The following PDIA6 variants were observed in gnomAD, a reference collection of about 807,000 sequenced individuals.
PDIA6 encodes the protein protein disulfide isomerase family A member 6.
In PDIA6, 29 loss-of-function variants were observed where a neutral mutation model predicts 58.4. That is an observed-to-expected ratio of 0.50 (90% CI 0.37 to 0.68). The LOEUF (loss-of-function observed/expected upper bound fraction) is 0.68. Among genes scored for constraint, PDIA6 ranks in the 30% least tolerant of loss-of-function variants. PDIA6 has a pLI of 0.00. For synonymous variants in PDIA6, 192 were observed against 202.6 expected, an observed-to-expected ratio of 0.95 and a Z score of 0.44; for missense variants, 480 against 551.0, an observed-to-expected ratio of 0.87 and a Z score of 1.29.
rs755742408 is a variant in PDIA6 at position 10,812,742 on chromosome 2, A to T, written c.-46T>A. 1.6e-5 allele frequency: 23 copies of T among 1,448,748 alleles called. No individual in the cohort carries two copies. The South Asian group carries it at 2.9e-4, about 18-fold the overall frequency. 89.7% of individuals were successfully genotyped at this position (1,448,748 alleles called of 1,614,324 possible). On this transcript the variant is annotated 5_prime_UTR_variant, in exon 1 of 13. Transcript: ENST00000272227. ...CAGTCCCCACCGCCGCCGCCGCTTC[A>T]GCCCTGCAGCGTGCCGCACGCCGCG...
chr2:10,818,811 C>T (rs760697986), intron 2 of PDIA6, among the ~76,000 whole-genome samples: 19 of 152,094 alleles, frequency 1.2e-4, no homozygotes, highest in Non-Finnish European at 2.8e-4. Flanking sequence ...GCGTGAGCCA[C>T]CATACCTGGC....
At chr2:10,836,071 T>G (rs1667826219), upstream of PDIA6, among the ~76,000 whole-genome samples, 1 of 152,052 alleles carries the variant, frequency 6.6e-6, no homozygotes, top group African/African-American at 2.4e-5. Context: ...AAAAATACTT[T>G]CAGACCGTGG....
chr2:10,789,662 A>C, intron 8 of PDIA6, 87 bp downstream of exon 8: 5 of 1,229,910 alleles, frequency 4.1e-6, no homozygotes, highest in Non-Finnish European at 5.8e-6. Flanking sequence ...TTAAGGGCAT[A>C]AAATGAACAG....
chr2:10,786,247 C>T (rs1303837725), intron 11 of PDIA6, among the ~76,000 whole-genome samples: 2 of 151,584 alleles, frequency 1.3e-5, no homozygotes, highest in African/African-American at 2.4e-5. Flanking sequence ...CACTTGAACC[C>T]GGGAGGTGGA....
rs143770934 is a variant in PDIA6 at position 10,793,220 on chromosome 2, T to TAGGC, written c.347-22_347-19dup. 0.27 allele frequency: 427,842 copies of TAGGC among 1,574,922 alleles called. 61,662 individuals carry two copies. Among genetic ancestry groups the TAGGC allele is most frequent in the Admixed American group, 0.39 (23,280 of 59,842 alleles). On this transcript the variant is annotated intron_variant, in intron 4 of 12. Transcript: ENST00000272227. ...TCTGCCACCTACAGGAGACGGAAGG[T>TAGGC]AGGCGGTCCTCAGCCCGGCCTTCAG...
intron 1 of PDIA6, among the ~76,000 whole-genome samples, chr2:10,809,194 G>A (rs1415589331): frequency 6.6e-6 from 1 of 151,990 alleles, no homozygotes; most frequent in Non-Finnish European, 1.5e-5. Flanking sequence ...TGTTTCTTTT[G>A]GCCATTTTAA....
chr2:10,818,871 T>A (rs781242975), intron 2 of PDIA6, among the ~76,000 whole-genome samples: 1 of 152,080 alleles, frequency 6.6e-6, no homozygotes, highest in Non-Finnish European at 1.5e-5. Context: ...TGCGCTCACA[T>A]CGTTGTACAA....
At chr2:10,798,596 G>A (rs538275981) in intron 2 of PDIA6, among the ~76,000 whole-genome samples, 16 of 147,602 alleles carry the variant, frequency 1.1e-4, no homozygotes, top group Admixed American at 7.5e-4. Flanking sequence ...AAAAGCTTCC[G>A]AATTACTGCT....
intron 1 of PDIA6, chr2:10,819,361 G>A (rs1667316599): frequency 6.7e-7 from 1 of 1,497,710 alleles, no homozygotes; most frequent in Non-Finnish European, 9.1e-7. Context: ...GAGCCTGAAA[G>A]TGAGAGAGAA....
chr2:10,798,730 T>G (rs988808133), intron 2 of PDIA6, among the ~76,000 whole-genome samples: 4 of 152,366 alleles, frequency 2.6e-5, no homozygotes, highest in East Asian at 3.9e-4. Context: ...TGCAGATTCT[T>G]GGGGTCCACA....
chr2:10,802,302 C>G (rs1294216618), intron 2 of PDIA6, among the ~76,000 whole-genome samples, 197 bp downstream of exon 2: 1 of 152,124 alleles, frequency 6.6e-6, no homozygotes, highest in Admixed American at 6.6e-5. Context: ...TCCTTCCACA[C>G]GCATCACCTC....
intron 11 of PDIA6, among the ~76,000 whole-genome samples, chr2:10,785,811 C>T (rs1381846356): frequency 6.6e-6 from 1 of 152,194 alleles, no homozygotes; most frequent in Non-Finnish European, 1.5e-5. Context: ...CTGCAACGTC[C>T]ACCTCCTGGG....
chr2:10,812,878 C>T (rs537254074), upstream of PDIA6: 167 of 1,148,110 alleles, frequency 1.5e-4, 1 homozygote, highest in South Asian at 6.4e-3. Context: ...TTGGTCCGGG[C>T]GGACATCGCT....
chr2:10,783,547 C>T lies in PDIA6; in HGVS notation c.*711G>A, dbSNP rs868846415. On this transcript the variant is annotated 3_prime_UTR_variant, in exon 13 of 13. Coordinates refer to ENST00000272227, the MANE Select transcript of PDIA6 (RefSeq NM_005742.4). ...CCTGCTGCTGTATTTCATGTCTTAACGGCTATTTTGAGGTTCATTAACAAC... is the reference window on the plus strand; with the variant it reads ...CCTGCTGCTGTATTTCATGTCTTAATGGCTATTTTGAGGTTCATTAACAAC... The T allele has an allele frequency of 2.0e-5, 6 of 303,216 alleles. No individual in the cohort carries two copies. Among genetic ancestry groups the T allele is most frequent in the Admixed American group, 9.7e-5 (2 of 20,692 alleles). The allele number at this position is 303,216 out of a possible 1,614,324, so 18.8% of individuals were successfully genotyped here.
intron 1 of PDIA6, 70 bp from the exon 2 acceptor site, chr2:10,802,710 A>C (rs907788663): frequency 7.9e-7 from 1 of 1,263,494 alleles, no homozygotes; most frequent in African/African-American, 1.5e-5. Context: ...CTGGGGAACC[A>C]GAGTCCTCTT....
At position 10,797,093 on chromosome 2, in the gene PDIA6, C is replaced by G. The variant is rs774248734; in HGVS notation, c.334G>C (p.Glu112Gln). The change falls in exon 4 of 13, where the codon GAA (glutamate) becomes CAA (glutamine). Residue 112 changes from glutamate (E) to glutamine (Q), a missense_variant. Physicochemically the swap from Glu to Gln is conservative, Grantham distance 29. Coordinates refer to ENST00000272227, the MANE Select transcript of PDIA6 (RefSeq NM_005742.4). ...GAAAAGTCCTTACCTTGGTAATCTT[C>G]TGGTCTGTTTTTGTTGGATCCAAAA... is the stretch of plus-strand genomic sequence containing the variant. Reference protein sequence around the residue: ...KIFGSNKNRPEDYQGGRTGEA... With the variant: ...KIFGSNKNRPQDYQGGRTGEA... 1.1e-5 allele frequency: 17 copies of G among 1,613,472 alleles called. No individual in the cohort carries two copies. The Admixed American group carries it at 2.7e-4, about 25-fold the overall frequency.
intron 1 of PDIA6, among the ~76,000 whole-genome samples, chr2:10,803,561 C>T (rs574833391): frequency 1.6e-4 from 25 of 152,156 alleles, no homozygotes; most frequent in Non-Finnish European, 3.4e-4. Flanking sequence ...GATACAGTGT[C>T]GACTGTATTG....
chr2:10,788,960 T>C lies in PDIA6; in HGVS notation c.862A>G (p.Lys288Glu). The stretch of plus-strand genomic sequence containing the variant: ...AGCTGGTGCTCCTCACACGTCCTCT[T>C]GGCAATGTCCTCGTTGATAATCTGT... ...LLEIINEDIA[K>E]RTCEEHQLCV... The change falls in exon 9 of 13, where the codon AAG becomes GAG. Residue 288 changes from lysine (K) to glutamate (E), a missense_variant. Physicochemically the swap from Lys to Glu is moderately conservative, Grantham distance 56. Transcript: ENST00000272227. 1 of 1,614,120 alleles carries C rather than the reference T, an allele frequency of 6.2e-7. No individual in the cohort carries two copies. The highest frequency in any genetic ancestry group is 8.5e-7 in the Non-Finnish European group (1 of 1,179,926).
chr2:10,829,268 C>T (rs564884183), intron 1 of PDIA6, among the ~76,000 whole-genome samples: 2 of 152,294 alleles, frequency 1.3e-5, no homozygotes, highest in East Asian at 3.9e-4. Flanking sequence ...TACCCAGAAT[C>T]CTGGCTCATG....
Sources: gnomAD v4.1 joint callset for allele counts (sites outside exome capture counted in the v4.1 genomes callset) on GRCh38, gnomAD v4.1.1 for gene constraint, MANE v1.5 for transcripts, NCBI Gene and HGNC (gene_info 2026-07-23, HGNC 2026-07-21) for gene names.